The following PACRG variants were observed in gnomAD, a reference collection of about 807,000 sequenced individuals.
PACRG encodes parkin coregulated.
In PACRG, 29 loss-of-function variants were observed where a neutral mutation model predicts 29.7. The observed-to-expected ratio is 0.98, with a 90% CI of 0.73 to 1.33. The LOEUF (loss-of-function observed/expected upper bound fraction) is 1.33. Among genes scored for constraint, PACRG ranks in the 40% most tolerant of loss-of-function variants. PACRG has a pLI of 0.00. For synonymous variants in PACRG, 116 were observed against 118.7 expected (o/e 0.98, Z 0.15); for missense variants, 279 against 316.2 (o/e 0.88, Z 0.89).
At chr6:162,959,877 C>T (rs1207088977) in intron 2 of PACRG, among the ~76,000 whole-genome samples, 1 of 152,084 alleles carries the variant, frequency 6.6e-6, no homozygotes, top group Non-Finnish European at 1.5e-5. Context: ...GTCTAATACC[C>T]AGAATCTATA....
At chr6:162,857,876 T>C (rs1791537354) in intron 2 of PACRG, among the ~76,000 whole-genome samples, 1 of 152,180 alleles carries the variant, frequency 6.6e-6, no homozygotes, top group South Asian at 2.1e-4. Flanking sequence ...TTCAAAGGCT[T>C]CTTAATTCTG....
chr6:162,863,812 T>C (rs1792070693), intron 2 of PACRG, among the ~76,000 whole-genome samples: 1 of 152,238 alleles, frequency 6.6e-6, no homozygotes, highest in African/African-American at 2.4e-5. Flanking sequence ...GATTTGAATA[T>C]AGGTCTGAAT....
chr6:162,764,174 C>T (rs577993011), intron 1 of PACRG, among the ~76,000 whole-genome samples: 28 of 152,160 alleles, frequency 1.8e-4, no homozygotes, highest in Non-Finnish European at 3.8e-4. Flanking sequence ...ACTCCGGAGG[C>T]TGAGGCAGGA....
At chr6:163,231,550 G>C (rs1209329613) in intron 4 of PACRG, among the ~76,000 whole-genome samples, 1 of 152,122 alleles carries the variant, frequency 6.6e-6, no homozygotes, top group Admixed American at 6.5e-5. Context: ...CAGCAACTTT[G>C]CAGGTCTTCA....
chr6:162,742,267 T>C (rs1780657946), intron 1 of PACRG, among the ~76,000 whole-genome samples: 2 of 152,170 alleles, frequency 1.3e-5, no homozygotes, highest in South Asian at 4.1e-4. Flanking sequence ...ACTATTCTCG[T>C]GGTAGTGAAT....
chr6:163,162,889 C>T (rs1034351582), intron 4 of PACRG, among the ~76,000 whole-genome samples: 5 of 151,996 alleles, frequency 3.3e-5, no homozygotes, highest in African/African-American at 1.2e-4. Context: ...TTCTGGTTTT[C>T]GGTAGCACAG....
At chr6:162,811,465 T>C (rs1261621038) in intron 1 of PACRG, among the ~76,000 whole-genome samples, 2 of 152,156 alleles carry the variant, frequency 1.3e-5, no homozygotes, top group Non-Finnish European at 2.9e-5. Context: ...AGTAGCTCTA[T>C]AACTTTAAAG....
At chr6:163,043,338 T>C (rs1808943018) in intron 2 of PACRG, among the ~76,000 whole-genome samples, 1 of 152,148 alleles carries the variant, frequency 6.6e-6, no homozygotes, top group Non-Finnish European at 1.5e-5. Context: ...GCAGATCATT[T>C]TGAGGTCAGG....
intron 1 of PACRG, among the ~76,000 whole-genome samples, chr6:162,810,046 C>G (rs996036645): frequency 2.6e-5 from 4 of 152,060 alleles, no homozygotes; most frequent in African/African-American, 4.8e-5. Flanking sequence ...GGTAATGAGG[C>G]CACACTGTTT....
chr6:163,256,476 G>A, intron 4 of PACRG, among the ~76,000 whole-genome samples: 1 of 152,134 alleles, frequency 6.6e-6, no homozygotes, highest in Admixed American at 6.5e-5. Context: ...ACAAAGAAGG[G>A]GAATAGAAAA....
chr6:163,037,602 C>G (rs1372505534), intron 2 of PACRG, among the ~76,000 whole-genome samples: 1 of 152,220 alleles, frequency 6.6e-6, no homozygotes, highest in Non-Finnish European at 1.5e-5. Flanking sequence ...TCTGCTGTGA[C>G]CTGAAACTTC....
At chr6:162,942,064 C>T (rs1375404288) in intron 2 of PACRG, among the ~76,000 whole-genome samples, 2 of 152,192 alleles carry the variant, frequency 1.3e-5, no homozygotes, top group Non-Finnish European at 2.9e-5. Context: ...ATCTAAGCCA[C>T]CTTTGCAGAA....
chr6:163,193,221 A>G (rs921847509), intron 4 of PACRG, among the ~76,000 whole-genome samples: 2 of 152,236 alleles, frequency 1.3e-5, no homozygotes, highest in Non-Finnish European at 2.9e-5. Context: ...GTTATATTTT[A>G]TAAATATCCA....
chr6:162,980,074 G>A (rs1228058932), intron 2 of PACRG, among the ~76,000 whole-genome samples: 5 of 152,004 alleles, frequency 3.3e-5, no homozygotes, highest in Admixed American at 1.3e-4. Context: ...ATAAATGGTC[G>A]ATATGTTAGC....
At chr6:162,768,183 G>A (rs1782946355) in intron 1 of PACRG, among the ~76,000 whole-genome samples, 1 of 151,992 alleles carries the variant, frequency 6.6e-6, no homozygotes, top group Non-Finnish European at 1.5e-5. Context: ...ATGCTCAGGT[G>A]AATGTTTTCA....
chr6:162,727,662 C>CT (rs770519631), upstream of PACRG: 5 of 1,584,578 alleles, frequency 3.2e-6, no homozygotes, highest in African/African-American at 6.7e-5. Context: ...ACCCACGTAC[C>CT]TATCATGGTC....
At chr6:163,272,328 C>T (rs1281133818) in intron 4 of PACRG, among the ~76,000 whole-genome samples, 3 of 152,180 alleles carry the variant, frequency 2.0e-5, no homozygotes, top group Admixed American at 6.5e-5. Flanking sequence ...TAAGCCACCG[C>T]GCCCGGCCTG....
At position 162,985,313 on chromosome 6, in the gene PACRG, A is replaced by G. The variant is rs542821421; in HGVS notation, c.292-76837A>G. The stretch of plus-strand genomic sequence containing the variant: ...TAGACACGAAAATCCTCAACAAACT[A>G]CTAGTGAAATGAATCCAACAGCATA... On this transcript the variant is annotated intron_variant, in intron 2 of 4. Transcript: ENST00000366888. Among the ~76,000 whole-genome samples, 15 of 152,222 alleles carry G rather than the reference A, an allele frequency of 9.9e-5. 1 individual carries two copies. In the South Asian group the frequency reaches 3.1e-3, roughly 32 times the overall value.
chr6:162,810,428 C>T (rs944245079), intron 1 of PACRG, among the ~76,000 whole-genome samples: 11 of 152,042 alleles, frequency 7.2e-5, no homozygotes, highest in Admixed American at 2.0e-4. Context: ...TCAGGAAGAT[C>T]TCAGAGTGAA....
Sources: allele counts gnomAD v4.1 joint callset (sites outside exome capture counted in the v4.1 genomes callset), GRCh38; gene constraint gnomAD v4.1.1; transcripts MANE v1.5; gene names NCBI Gene and HGNC (gene_info 2026-07-23, HGNC 2026-07-21).